The following ETFDH variants were observed in gnomAD, a reference collection of about 807,000 sequenced individuals.
The protein encoded by ETFDH is electron transfer flavoprotein dehydrogenase, also known as electron transfer flavoprotein-ubiquinone oxidoreductase, mitochondrial.
Under a neutral mutation model 73.2 loss-of-function variants are expected in ETFDH, and 61 were observed. That is an observed-to-expected ratio of 0.83 (90% CI 0.68 to 1.03). The LOEUF (loss-of-function observed/expected upper bound fraction) is 1.03, where lower values mean the gene tolerates loss of function less well. ETFDH is among the 50% of genes least tolerant of loss of function. The pLI, the probability that ETFDH is intolerant of heterozygous loss-of-function variation, is 0.00. For missense variants in ETFDH, 685 were observed against 745.0 expected, an observed-to-expected ratio of 0.92 and a Z score of 0.94; for synonymous variants, 243 against 253.3, an observed-to-expected ratio of 0.96 and a Z score of 0.39.
intron 10 of ETFDH, among the ~76,000 whole-genome samples, chr4:158,705,905 A>G (rs2126314018): frequency 6.6e-6 from 1 of 152,152 alleles, no homozygotes; most frequent in East Asian, 1.9e-4. Flanking sequence ...ACATGGCAAA[A>G]CCCTCTTTCT....
intron 7 of ETFDH, among the ~76,000 whole-genome samples, chr4:158,696,824 C>A (rs994898764): frequency 1.3e-5 from 2 of 152,268 alleles, no homozygotes; most frequent in Middle Eastern, 6.8e-3. Context: ...TGTACAGCTA[C>A]ATTAATTTTT....
chr4:158,673,302 CA>C (rs991322498), intron 1 of ETFDH, among the ~76,000 whole-genome samples: 4 of 151,248 alleles, frequency 2.6e-5, no homozygotes, highest in Non-Finnish European at 3.0e-5. Flanking sequence ...GACTCCGTCT[CA>C]AAAAAAAATT....
At chr4:158,678,571 CT>C (rs1773768316) in intron 1 of ETFDH, among the ~76,000 whole-genome samples, 1 of 151,894 alleles carries the variant, frequency 6.6e-6, no homozygotes, top group Admixed American at 6.5e-5. Context: ...CCATTCTCTA[CT>C]TGTTAGAAGC....
At chr4:158,677,921 T>A (rs2150303156) in intron 1 of ETFDH, among the ~76,000 whole-genome samples, 1 of 152,300 alleles carries the variant, frequency 6.6e-6, no homozygotes, top group African/African-American at 2.4e-5. Context: ...TCACAAAGAT[T>A]TACACTCATG....
rs779253471 is a variant in ETFDH at position 158,703,517 on chromosome 4, T to C, written c.1211T>C (p.Met404Thr). 1.9e-6 allele frequency: 3 copies of C among 1,609,462 alleles called. No individual in the cohort carries two copies. The highest frequency in any genetic ancestry group is 4.5e-5 in the East Asian group (2 of 44,804). Residue 404 changes from methionine to threonine, a missense_variant, in exon 10 of 13, where the codon ATG (methionine) becomes ACG (threonine). Met to Thr is a moderately conservative substitution (Grantham distance 81). Coordinates refer to ENST00000511912, the MANE Select transcript of ETFDH (RefSeq NM_004453.4). Reference protein sequence around the residue: ...VPKIKGTHTAMKSGILAAESI... With the variant: ...VPKIKGTHTATKSGILAAESI... ...AAGATCAAAGGTACTCACACAGCAA[T>C]GAAAAGTGGAATTTTAGCAGCAGAA...
chr4:158,698,932 CTTGAT>C (rs1774384495), intron 8 of ETFDH, 50 bp from the exon 9 acceptor site: 1 of 1,279,870 alleles, frequency 7.8e-7, no homozygotes, highest in South Asian at 1.2e-5. Flanking sequence ...TACATTTTAG[CTTGAT>C]TTAATTTGAA....
chr4:158,703,580 C>G lies in ETFDH; in HGVS notation c.1274C>G (p.Ser425Ter). The G allele has an allele frequency of 6.3e-7, 1 of 1,599,354 alleles. No homozygotes were observed. The highest frequency in any genetic ancestry group is 1.1e-5 in the South Asian group (1 of 90,700). Residue 425 changes from serine (S) to a stop codon, truncating the protein, a stop_gained, in exon 10 of 13, where the codon TCA becomes TGA. Transcript: ENST00000511912. LOFTEE classifies it high-confidence loss of function. ...CAACTAACTAGTGAAAATCTCCAAT[C>G]AAAGACAATAGGTAAGAAATTCCTG... ...FNQLTSENLQ[S>*]KTIGLHVTEY...
rs770193214 is a variant in ETFDH at position 158,682,361 on chromosome 4, C to T, written c.342C>T (p.Leu114=). 4.3e-6 allele frequency: 7 copies of T among 1,614,052 alleles called. No homozygotes were observed. Among genetic ancestry groups the T allele is most frequent in the African/African-American group, 1.3e-5 (1 of 74,930 alleles). ...EKAAQIGAHT[L]SGACLDPGAF... Reference sequence around the variant, plus strand: ...CTGCCCAGATAGGAGCTCATACTCTCTCAGGGGCTTGCCTTGATCCAGGTG... The same window carrying T: ...CTGCCCAGATAGGAGCTCATACTCTTTCAGGGGCTTGCCTTGATCCAGGTG... The change falls in exon 3 of 13, where the codon CTC becomes CTT. Residue 114 remains leucine (L), a synonymous_variant. Coordinates refer to ENST00000511912, the MANE Select transcript of ETFDH (RefSeq NM_004453.4).
At chr4:158,704,709 G>A (rs966077424) in intron 10 of ETFDH, among the ~76,000 whole-genome samples, 2 of 152,132 alleles carry the variant, frequency 1.3e-5, no homozygotes, top group Admixed American at 6.5e-5. Context: ...ACACGGTAGC[G>A]ACTCCATAGA....
chr4:158,686,157 TC>T (rs759176587), intron 5 of ETFDH, among the ~76,000 whole-genome samples: 45 of 152,128 alleles, frequency 3.0e-4, no homozygotes, highest in Middle Eastern at 3.4e-3. Context: ...GAGGGGAAGG[TC>T]AGAGAGACCT....
chr4:158,699,429 GC>G (rs1183454077), intron 9 of ETFDH, among the ~76,000 whole-genome samples: 1 of 152,114 alleles, frequency 6.6e-6, no homozygotes, highest in African/African-American at 2.4e-5. Flanking sequence ...GATTAGCCAG[GC>G]ATGGTGACGA....
intron 3 of ETFDH, 120 bp downstream of exon 3, chr4:158,682,544 T>TC: frequency 1.2e-6 from 1 of 802,554 alleles, no homozygotes. Flanking sequence ...TTTTTTTTTC[T>TC]TTTTTTGAGA....
At chr4:158,682,111 G>A (rs1773873615) in intron 2 of ETFDH, 84 bp from the exon 3 acceptor site, 2 of 1,588,394 alleles carry the variant, frequency 1.3e-6, no homozygotes, top group Admixed American at 3.3e-5. Context: ...ATACTCTAAA[G>A]CACAGTGGAT....
chr4:158,683,174 C>T (rs1773908358), intron 3 of ETFDH, among the ~76,000 whole-genome samples: 2 of 151,968 alleles, frequency 1.3e-5, no homozygotes, highest in Non-Finnish European at 2.9e-5. Context: ...GCAGAAAAAC[C>T]ACAGGTGTGA....
intron 2 of ETFDH, 111 bp from the exon 3 acceptor site, chr4:158,682,080 CAGGG>C: frequency 7.1e-7 from 1 of 1,407,088 alleles, no homozygotes; most frequent in South Asian, 1.2e-5. Context: ...GTGCAAAACA[CAGGG>C]AGAATTTCCA....
Position 158,685,085 on chromosome 4 carries a change from A to G in ETFDH, c.488-16A>G. The G allele has an allele frequency of 7.4e-7, 1 of 1,348,998 alleles. No individual in the cohort carries two copies. The highest frequency in any genetic ancestry group is 2.3e-5 in the East Asian group (1 of 43,666). 83.6% of individuals were successfully genotyped at this position (1,348,998 alleles called of 1,614,324 possible). A position where few individuals can be genotyped will look rare whatever the true frequency, so the allele number is the denominator to read the frequency against. On this transcript the variant is annotated splice_polypyrimidine_tract_variant and intron_variant, in intron 4 of 12. Coordinates refer to ENST00000511912, the MANE Select transcript of ETFDH (RefSeq NM_004453.4). ...CAATAAAAAGTCAGATTTATAAATT[A>G]AGCATATATTTATAGGGCTTCCAAT...
chr4:158,678,327 G>A (rs891439058), intron 1 of ETFDH, among the ~76,000 whole-genome samples: 3 of 151,916 alleles, frequency 2.0e-5, no homozygotes, highest in East Asian at 3.9e-4. Context: ...TGTACTGGTC[G>A]AGCATTTTGT....
In ETFDH at chr4:158,699,019, T is replaced by C; in HGVS notation, c.1005T>C (p.Ser335=). 1 of 1,610,902 alleles carries C rather than the reference T, an allele frequency of 6.2e-7. No individual in the cohort carries two copies. The highest frequency in any genetic ancestry group is 8.5e-7 in the Non-Finnish European group (1 of 1,177,110). Residue 335 remains serine, a synonymous_variant, in exon 9 of 13, where the codon AGT becomes AGC. Coordinates refer to ENST00000511912, the MANE Select transcript of ETFDH (RefSeq NM_004453.4). ...TAGACTATCAGAATCCATACCTGAG[T>C]CCATTTAGAGAGTTCCAAAGGTGGA... The part of the protein sequence containing the change: ...VGLDYQNPYL[S]PFREFQRWKH...
chr4:158,697,972 A>G (rs1364268163), intron 8 of ETFDH, among the ~76,000 whole-genome samples: 1 of 152,222 alleles, frequency 6.6e-6, no homozygotes, highest in African/African-American at 2.4e-5. Flanking sequence ...AAATAGGTAT[A>G]TCTTTATTTT....
Sources: gnomAD v4.1 joint callset for allele counts (sites outside exome capture counted in the v4.1 genomes callset) on GRCh38, gnomAD v4.1.1 for gene constraint, MANE v1.5 for transcripts, NCBI Gene and HGNC (gene_info 2026-07-23, HGNC 2026-07-21) for gene names.